The following CFAP61 variants were observed in gnomAD, a reference collection of about 807,000 sequenced individuals.
CFAP61 encodes the protein cilia- and flagella-associated protein 61.
In CFAP61, 107 loss-of-function variants were observed where a neutral mutation model predicts 135.6. The ratio of observed to expected loss-of-function variants is 0.79; its 90% CI spans 0.67 to 0.93. CFAP61 has a LOEUF of 0.93. CFAP61 is among the 40% of genes least tolerant of loss of function. CFAP61 has a pLI of 0.00. For missense variants in CFAP61, 1,507 were observed against 1,556.2 expected (o/e 0.97, Z 0.53); for synonymous variants, 575 against 578.5 (o/e 0.99, Z 0.09).
intron 18 of CFAP61, among the ~76,000 whole-genome samples, chr20:20,237,213 TC>T (rs1399302276): frequency 6.6e-6 from 1 of 152,098 alleles, no homozygotes; most frequent in Non-Finnish European, 1.5e-5. Flanking sequence ...CCCTGCCAGG[TC>T]CCCGAGGACT....
chr20:20,334,492 AAG>A (rs1171560957), intron 25 of CFAP61, among the ~76,000 whole-genome samples: 7 of 152,328 alleles, frequency 4.6e-5, no homozygotes, highest in African/African-American at 1.7e-4. Context: ...CTGTAGCATT[AAG>A]AGAGAGGAAT....
chr20:20,052,844 T>A (rs1230883738), intron 1 of CFAP61: 1 of 932,762 alleles, frequency 1.1e-6, no homozygotes. Flanking sequence ...TAGGCTGCAA[T>A]GCCTCGAGCA....
At chr20:20,285,076 G>A (rs1048571334) in intron 22 of CFAP61, among the ~76,000 whole-genome samples, 27 of 152,082 alleles carry the variant, frequency 1.8e-4, no homozygotes, top group African/African-American at 6.5e-4. Context: ...GGGCTTATAG[G>A]TTATTTTTTC....
intron 22 of CFAP61, among the ~76,000 whole-genome samples, chr20:20,280,247 G>A (rs1268504830): frequency 6.6e-6 from 1 of 152,168 alleles, no homozygotes; most frequent in African/African-American, 2.4e-5. Flanking sequence ...GGAGGCAGAG[G>A]TTGGTGTGAT....
intron 16 of CFAP61, among the ~76,000 whole-genome samples, chr20:20,198,129 T>C (rs2056411965): frequency 6.6e-6 from 1 of 152,198 alleles, no homozygotes; most frequent in South Asian, 2.1e-4. Flanking sequence ...TAGTTTTTTT[T>C]AGTTTTTGTT....
At chr20:20,212,951 A>G (rs1460513497) in intron 17 of CFAP61, among the ~76,000 whole-genome samples, 1 of 151,128 alleles carries the variant, frequency 6.6e-6, no homozygotes, top group Non-Finnish European at 1.5e-5. Context: ...CAAACAGACC[A>G]GGAGGCACCG....
chr20:20,163,960 G>A, intron 10 of CFAP61, 90 bp from the exon 11 acceptor site: 1 of 1,068,628 alleles, frequency 9.4e-7, no homozygotes, highest in Non-Finnish European at 1.3e-6. Context: ...CCTCAGAACG[G>A]TGTCATGTAG....
chr20:20,073,190 A>G (rs943155809), intron 3 of CFAP61, among the ~76,000 whole-genome samples: 2 of 152,250 alleles, frequency 1.3e-5, no homozygotes, highest in African/African-American at 4.8e-5. Flanking sequence ...TTCAGGATGT[A>G]AGGCAAATGC....
intron 22 of CFAP61, among the ~76,000 whole-genome samples, chr20:20,286,332 C>T (rs1035316168): frequency 3.3e-5 from 5 of 152,354 alleles, no homozygotes; most frequent in Admixed American, 6.5e-5. Flanking sequence ...GACACTGGCT[C>T]TCAAGGCAGA....
intron 2 of CFAP61, among the ~76,000 whole-genome samples, chr20:20,065,835 C>T (rs2045215933): frequency 6.6e-6 from 1 of 152,110 alleles, no homozygotes; most frequent in African/African-American, 2.4e-5. Context: ...GGGGACAGAA[C>T]TGTGCCCAGG....
rs375211768 is a variant in CFAP61 at position 20,193,009 on chromosome 20, C to T, written c.1590+1590C>T. On this transcript the variant is annotated intron_variant, in intron 15 of 26. Coordinates refer to ENST00000245957, the MANE Select transcript of CFAP61 (RefSeq NM_015585.4). ...ACAAGGGGTGGAGGCAGACTTCTCTCGATGGGGGTGTGGCAGAGTCACTTT... is the reference window on the plus strand; with the variant it reads ...ACAAGGGGTGGAGGCAGACTTCTCTTGATGGGGGTGTGGCAGAGTCACTTT... Among the ~76,000 whole-genome samples, 6 of 152,212 alleles carry T rather than the reference C, an allele frequency of 3.9e-5. No individual in the cohort carries two copies. In the East Asian group the frequency reaches 7.7e-4, roughly 20 times the overall value.
intron 22 of CFAP61, among the ~76,000 whole-genome samples, chr20:20,282,865 G>C (rs1246292189): frequency 6.6e-6 from 1 of 151,666 alleles, no homozygotes; most frequent in Non-Finnish European, 1.5e-5. Context: ...CTTGAACCTA[G>C]GAGGTGGAGG....
At chr20:20,089,588 A>G (rs759884948) in intron 6 of CFAP61, among the ~76,000 whole-genome samples, 12 of 17,620 alleles carry the variant, frequency 6.8e-4, no homozygotes, top group Non-Finnish European at 2.2e-3. Flanking sequence ...AGTATCAGAG[A>G]AAAAAAAAAA....
rs181297538 is a variant in CFAP61 at position 20,207,522 on chromosome 20, C to T, written c.1932+7620C>T. Among the ~76,000 whole-genome samples the T allele has an allele frequency of 1.2e-3, 183 of 152,314 alleles. 3 individuals carry two copies. The South Asian group carries it at 0.027, about 23-fold the overall frequency. ...TAGCAAGGCTCCGGGTGGAGCTGAG[C>T]TCCCAGGCAGAAACTGGCCGTGGCA... On this transcript the variant is annotated intron_variant, in intron 17 of 26. Coordinates refer to ENST00000245957, the MANE Select transcript of CFAP61 (RefSeq NM_015585.4).
chr20:20,284,973 G>C (rs1226177958), intron 22 of CFAP61, among the ~76,000 whole-genome samples: 1 of 152,084 alleles, frequency 6.6e-6, no homozygotes. Flanking sequence ...TTGTATTGTA[G>C]GTCTGCTAAA....
rs139288851 is a variant in CFAP61, at chr20:20,232,083, T to C, written c.2060+3707T>C. Among the ~76,000 whole-genome samples the C allele has an allele frequency of 1.4e-3, 211 of 152,334 alleles. 8 individuals are homozygous for C. The East Asian group carries it at 0.037, about 27-fold the overall frequency. On this transcript the variant is annotated intron_variant, in intron 18 of 26. Transcript: ENST00000245957. ...AGCAGAAAGAGCTTGGCCTCAGCCG[T>C]TAGCCCACCTCTGCTGCCAAGCAGT...
chr20:20,280,132 A>G (rs2054085799), intron 22 of CFAP61, among the ~76,000 whole-genome samples: 1 of 152,168 alleles, frequency 6.6e-6, no homozygotes, highest in South Asian at 2.1e-4. Flanking sequence ...GTAAAGAGAA[A>G]GTCATCCTGG....
chr20:20,358,512 A>G (rs2074561397), intron 26 of CFAP61, among the ~76,000 whole-genome samples: 1 of 152,218 alleles, frequency 6.6e-6, no homozygotes, highest in African/African-American at 2.4e-5. Flanking sequence ...CTCCAGAAAA[A>G]TTAAGGAAGA....
chr20:20,072,091 CTTTTTTTTTTTTTTTTTTTTTTTTTT>C (rs71198039), intron 3 of CFAP61, among the ~76,000 whole-genome samples: 4 of 57,606 alleles, frequency 6.9e-5, no homozygotes, highest in African/African-American at 1.7e-4. Context: ...ATCTAGCAAT[CTTTTTTTTTTTTTTTTTTTTTTTTTT>C]TTTTTTTTTT....
Sources: gnomAD v4.1 joint callset for allele counts (sites outside exome capture counted in the v4.1 genomes callset) on GRCh38, gnomAD v4.1.1 for gene constraint, MANE v1.5 for transcripts, NCBI Gene and HGNC (gene_info 2026-07-23, HGNC 2026-07-21) for gene names.